Variants in PCOLCE2 observed in about 807,000 individuals in gnomAD.
The protein encoded by PCOLCE2 is procollagen C-proteinase enhancer 2.
PCOLCE2 carries 42 observed loss-of-function variants against 47.0 expected under a neutral mutation model. The ratio of observed to expected loss-of-function variants is 0.89; its 90% CI spans 0.70 to 1.16. PCOLCE2 has a LOEUF of 1.16. Ranked by LOEUF, PCOLCE2 falls within the 50% of genes most tolerant of loss-of-function variation. The pLI is 0.00. For missense variants in PCOLCE2, 500 were observed against 526.1 expected (o/e 0.95, Z 0.49); for synonymous variants, 169 against 191.7 (o/e 0.88, Z 0.98).
chr3:142,865,297 TG>T, intron 2 of PCOLCE2, among the ~76,000 whole-genome samples: 1 of 152,258 alleles, frequency 6.6e-6, no homozygotes, highest in East Asian at 1.9e-4. Context: ...TCTAGTGAAA[TG>T]TCTATTCAAA....
Position 142,888,869 on chromosome 3 carries a change from G to A in PCOLCE2, c.28C>T (p.Leu10Phe), listed in dbSNP as rs1305750952. Residue 10 changes from leucine (L) to phenylalanine (F), a missense_variant, in exon 1 of 9, where the codon CTC becomes TTC. Leu to Phe is a conservative substitution (Grantham distance 22). Coordinates refer to ENST00000295992, the MANE Select transcript of PCOLCE2 (RefSeq NM_013363.4). MRGANAWAP[L>F]CLLLAAATQL... ...GTGGCGGCAGCCAGCAGCAGGCAGA[G>A]TGGCGCCCAGGCGTTCGCGCCCCTC... The A allele has an allele frequency of 1.9e-6, 3 of 1,545,696 alleles. No individual in the cohort carries two copies. The African/African-American group carries it at 4.3e-5, about 22-fold the overall frequency.
At chr3:142,853,145 A>C (rs972751233) in intron 2 of PCOLCE2, among the ~76,000 whole-genome samples, 22 of 151,538 alleles carry the variant, frequency 1.5e-4, no homozygotes, top group African/African-American at 4.4e-4. Context: ...TTTACATATC[A>C]CTCCACAACC....
chr3:142,829,587 T>G (rs779044389), intron 6 of PCOLCE2, 105 bp downstream of exon 6: 12 of 821,954 alleles, frequency 1.5e-5, no homozygotes, highest in Non-Finnish European at 2.2e-5. Flanking sequence ...TTCATCCTAT[T>G]TAACTTTAAT....
chr3:142,858,864 A>G (rs1933123145), intron 2 of PCOLCE2, among the ~76,000 whole-genome samples: 1 of 152,152 alleles, frequency 6.6e-6, no homozygotes, highest in South Asian at 2.1e-4. Flanking sequence ...CATTCTTTCA[A>G]TTCTCCGGAA....
intron 3 of PCOLCE2, among the ~76,000 whole-genome samples, chr3:142,847,401 T>C (rs910708438): frequency 1.3e-5 from 2 of 152,194 alleles, no homozygotes; most frequent in Non-Finnish European, 2.9e-5. Context: ...TACAGTCCAA[T>C]CCAAAAGCAG....
intron 2 of PCOLCE2, among the ~76,000 whole-genome samples, chr3:142,852,211 T>G (rs1310280241): frequency 6.6e-6 from 1 of 152,212 alleles, no homozygotes; most frequent in Non-Finnish European, 1.5e-5. Context: ...GCCTTTTCAG[T>G]ATGACACAAC....
At position 142,848,402 on chromosome 3, in the gene PCOLCE2, T is replaced by C. The variant is rs1191436584; in HGVS notation, c.263A>G (p.Tyr88Cys). The change falls in exon 3 of 9, where the codon TAT (tyrosine) becomes TGT (cysteine). Residue 88 changes from tyrosine to cysteine, a missense_variant. By Grantham distance (194) the Tyr-to-Cys change is radical (BLOSUM62 -2). Coordinates refer to ENST00000295992, the MANE Select transcript of PCOLCE2 (RefSeq NM_013363.4). ...GCCATTGTACACATCCACAAAGTCA[T>C]AGCGGCACAGGTTGTCACTCTCGAG... ...IDLESDNLCR[Y>C]DFVDVYNGHA... 4 of 1,613,946 alleles carry C rather than the reference T, an allele frequency of 2.5e-6. No individual in the cohort carries two copies. The South Asian group carries it at 3.3e-5, about 13-fold the overall frequency.
At chr3:142,881,566 C>A (rs767830428) in intron 2 of PCOLCE2, among the ~76,000 whole-genome samples, 18 of 152,110 alleles carry the variant, frequency 1.2e-4, no homozygotes, top group Non-Finnish European at 2.1e-4. Flanking sequence ...CCACCACACA[C>A]CTAGGCTATA....
chr3:142,884,564 C>T (rs1003804400), intron 2 of PCOLCE2, among the ~76,000 whole-genome samples: 1 of 152,176 alleles, frequency 6.6e-6, no homozygotes, highest in African/African-American at 2.4e-5. Flanking sequence ...CCCAAATTCT[C>T]TAATTTAGTC....
At chr3:142,876,950 C>T (rs76857748) in intron 2 of PCOLCE2, among the ~76,000 whole-genome samples, 9,561 of 152,264 alleles carry the variant, frequency 0.063, 347 homozygotes, top group African/African-American at 0.1. Context: ...ACCAGCACAA[C>T]AGTGGAACTA....
rs375356076 is a variant in PCOLCE2, at chr3:142,877,058, TAC to T, written c.192+10609_192+10610del. Among the ~76,000 whole-genome samples, 821 of 152,350 alleles carry T rather than the reference TAC, an allele frequency of 5.4e-3. 4 individuals carry two copies. Among genetic ancestry groups the T allele is most frequent in the African/African-American group, 0.017 (717 of 41,582 alleles). ...TGTGTCTCTATTAGGAATAAATGAA[TAC>T]AGTCTTTACTTAATTTATGTAATTA... is the stretch of plus-strand genomic sequence containing the variant. On this transcript the variant is annotated intron_variant, in intron 2 of 8. Transcript: ENST00000295992.
intron 8 of PCOLCE2, 144 bp downstream of exon 8, chr3:142,820,734 G>A (rs1002798408): frequency 1.6e-6 from 1 of 606,330 alleles, no homozygotes; most frequent in Non-Finnish European, 2.8e-6. Context: ...ACTTGGATGA[G>A]AGCCCAATTC....
At chr3:142,863,828 A>G (rs911872149) in intron 2 of PCOLCE2, 1 of 152,208 alleles carries the variant, frequency 6.6e-6, no homozygotes, top group African/African-American at 2.4e-5. Flanking sequence ...CTTTTTAAAA[A>G]ATGTAAATTA....
intron 5 of PCOLCE2, among the ~76,000 whole-genome samples, chr3:142,831,523 A>G (rs1020573338): frequency 2.0e-5 from 3 of 152,220 alleles, no homozygotes; most frequent in East Asian, 3.8e-4. Flanking sequence ...GGACTAAGAC[A>G]CTTCCAGCCA....
rs986443117 is a variant in PCOLCE2 at position 142,842,600 on chromosome 3, G to A, written c.573+324C>T. ...TAAAAAAATACAAAATTAGCCGGGC[G>A]TGGTGGCGCGTGCCTGTAATCTCAG... On this transcript the variant is annotated intron_variant, in intron 4 of 8. Coordinates refer to ENST00000295992, the MANE Select transcript of PCOLCE2 (RefSeq NM_013363.4). The surrounding 1 kb of genome is among the most constrained non-coding windows in gnomAD (Gnocchi z 4.1). Among the ~76,000 whole-genome samples the A allele has an allele frequency of 3.9e-5, 6 of 152,048 alleles. No individual in the cohort carries two copies. The highest frequency in any genetic ancestry group is 7.4e-5 in the Non-Finnish European group (5 of 68,002).
At chr3:142,859,446 T>G (rs889025638) in intron 2 of PCOLCE2, among the ~76,000 whole-genome samples, 17 of 152,236 alleles carry the variant, frequency 1.1e-4, no homozygotes, top group Admixed American at 3.3e-4. Context: ...TATGCAATAA[T>G]CTAAGAAACA....
At chr3:142,850,971 C>T (rs1281421146) in intron 2 of PCOLCE2, among the ~76,000 whole-genome samples, 1 of 152,136 alleles carries the variant, frequency 6.6e-6, no homozygotes, top group African/African-American at 2.4e-5. Flanking sequence ...AAAGGGGGAT[C>T]TGATCTACAG....
At chr3:142,830,688 T>G (rs1218814651) in intron 5 of PCOLCE2, among the ~76,000 whole-genome samples, 1 of 152,214 alleles carries the variant, frequency 6.6e-6, no homozygotes, top group East Asian at 1.9e-4. Flanking sequence ...CTCTAAAATC[T>G]TAGGGGATTA....
rs898162466 is a variant in PCOLCE2, at chr3:142,887,619, C to G, written c.192+50G>C. On this transcript the variant is annotated intron_variant, in intron 2 of 8. Transcript: ENST00000295992. ...AGAGGAAAAAGGCAGCAGCCTCACA[C>G]TGTTGCCAACACCCACTTCCAGGAG... The G allele has an allele frequency of 4.3e-6, 4 of 921,880 alleles. No individual in the cohort carries two copies. In the African/African-American group the frequency reaches 4.9e-5, roughly 11 times the overall value. 57.1% of individuals were successfully genotyped at this position (921,880 alleles called of 1,614,324 possible). A position where few individuals can be genotyped will look rare whatever the true frequency, so the allele number is the denominator to read the frequency against.
Sources: gnomAD v4.1 joint callset for allele counts (sites outside exome capture counted in the v4.1 genomes callset) on GRCh38, gnomAD v4.1.1 for gene constraint, Gnocchi (gnomAD v3.1) non-coding constraint, MANE v1.5 for transcripts, NCBI Gene and HGNC (gene_info 2026-07-23, HGNC 2026-07-21) for gene names.